Variants in FOCAD observed in about 807,000 individuals in gnomAD.
FOCAD encodes the protein focadhesin, also known as KIAA1797.
In FOCAD, 198 loss-of-function variants were observed where a neutral mutation model predicts 225.6. The ratio of observed to expected loss-of-function variants is 0.88; its 90% CI spans 0.78 to 0.99. The LOEUF is 0.99. Ranked by LOEUF, FOCAD falls within the 50% of genes least tolerant of loss-of-function variation. FOCAD has a pLI of 0.00. For synonymous variants in FOCAD, 897 were observed against 755.0 expected (o/e 1.19, Z -3.08); for missense variants, 2,713 against 2,123.6 (o/e 1.28, Z -5.46).
At chr9:20,822,222 A>G (rs535102254) in intron 14 of FOCAD, among the ~76,000 whole-genome samples, 3 of 152,148 alleles carry the variant, frequency 2.0e-5, no homozygotes, top group African/African-American at 7.2e-5. Flanking sequence ...TACTACCTCC[A>G]GATCTGTCAA....
At chr9:20,753,309 C>A (rs1217877956) in intron 5 of FOCAD, among the ~76,000 whole-genome samples, 8 of 151,772 alleles carry the variant, frequency 5.3e-5, no homozygotes, top group African/African-American at 1.9e-4. Context: ...TCATAGATAG[C>A]TCTTATTATT....
At chr9:20,761,021 G>GT (rs1291808555) in intron 6 of FOCAD, among the ~76,000 whole-genome samples, 1 of 136,216 alleles carries the variant, frequency 7.3e-6, no homozygotes, top group African/African-American at 2.9e-5. Context: ...TAGATTTTTT[G>GT]GGGGGGGGCG....
intron 2 of FOCAD, among the ~76,000 whole-genome samples, chr9:20,660,188 G>C (rs1821671118): frequency 6.6e-6 from 1 of 152,174 alleles, no homozygotes; most frequent in Non-Finnish European, 1.5e-5. Context: ...TGAGCCATCA[G>C]CAATAATAAC....
At chr9:20,969,159 T>TAA (rs1169762929) in intron 35 of FOCAD, among the ~76,000 whole-genome samples, 1 of 152,170 alleles carries the variant, frequency 6.6e-6, no homozygotes, top group Non-Finnish European at 1.5e-5. Flanking sequence ...TCTTTTAAAA[T>TAA]TTATTGAGAC....
chr9:20,932,903 G>A, intron 27 of FOCAD, 111 bp from the exon 28 acceptor site: 1 of 721,614 alleles, frequency 1.4e-6, no homozygotes, highest in South Asian at 2.0e-5. Context: ...TTTTTTTTAA[G>A]AGAAATGCTG....
intron 11 of FOCAD, among the ~76,000 whole-genome samples, chr9:20,807,863 G>A (rs1252256847): frequency 2.0e-5 from 3 of 152,018 alleles, no homozygotes; most frequent in Non-Finnish European, 2.9e-5. Flanking sequence ...CAGCCTGGCC[G>A]ACACAGTGAA....
intron 1 of FOCAD, among the ~76,000 whole-genome samples, chr9:20,704,127 C>T (rs1438590154): frequency 6.6e-6 from 1 of 152,200 alleles, no homozygotes; most frequent in Non-Finnish European, 1.5e-5. Flanking sequence ...CACAGTGCAC[C>T]ATTGATCTTA....
At chr9:20,994,276 C>T (rs1332024508) in intron 43 of FOCAD, among the ~76,000 whole-genome samples, 2 of 152,118 alleles carry the variant, frequency 1.3e-5, no homozygotes, top group Admixed American at 6.5e-5. Flanking sequence ...AAGATCTTTC[C>T]GTAAAACTTA....
chr9:20,686,338 G>A (rs1379248078), intron 1 of FOCAD, among the ~76,000 whole-genome samples: 3 of 152,072 alleles, frequency 2.0e-5, no homozygotes, highest in Non-Finnish European at 2.9e-5. Flanking sequence ...TGTATTTTTA[G>A]TAGAGACGGA....
chr9:20,715,504 A>C lies in FOCAD; in HGVS notation c.57+94A>C, dbSNP rs558218143. On this transcript the variant is annotated intron_variant, in intron 2 of 43. Transcript: ENST00000338382. ...TTATATATTTAATATTAAATATTTTATTCTACATGTAGAGATTTATATTTT... is the reference window on the plus strand; with the variant it reads ...TTATATATTTAATATTAAATATTTTCTTCTACATGTAGAGATTTATATTTT... 296 of 500,638 alleles carry C rather than the reference A, an allele frequency of 5.9e-4. 2 individuals carry two copies. Among genetic ancestry groups the C allele is most frequent in the African/African-American group, 5.4e-3 (273 of 50,140 alleles). The allele number at this position is 500,638 out of a possible 1,614,324, so 31.0% of individuals were successfully genotyped here. A position where few individuals can be genotyped will look rare whatever the true frequency, so the allele number is the denominator to read the frequency against.
chr9:20,974,814 CT>C (rs1401695139), intron 35 of FOCAD, among the ~76,000 whole-genome samples: 1 of 152,106 alleles, frequency 6.6e-6, no homozygotes, highest in Non-Finnish European at 1.5e-5. Flanking sequence ...TCCTGTGCTT[CT>C]CATTTCTGCT....
chr9:20,755,369 A>C (rs575877524), intron 5 of FOCAD, among the ~76,000 whole-genome samples: 1 of 152,236 alleles, frequency 6.6e-6, no homozygotes, highest in Non-Finnish European at 1.5e-5. Flanking sequence ...GCATCATGCA[A>C]CAAAGCTGGA....
At chr9:20,761,737 A>ACT (rs1018276783) in intron 6 of FOCAD, among the ~76,000 whole-genome samples, 59 of 150,332 alleles carry the variant, frequency 3.9e-4, no homozygotes, top group African/African-American at 1.4e-3. Context: ...CCATTTTTTT[A>ACT]CTCTCTCTCT....
Position 20,770,020 on chromosome 9 carries a change from T to C in FOCAD, c.700-12T>C. On this transcript the variant is annotated splice_polypyrimidine_tract_variant and intron_variant, in intron 7 of 43. Transcript: ENST00000338382. ...GTATTTTTTAATATCATATAATGACTTTTTTAAACAGGTAAAAGATTTGAT... is the reference window on the plus strand; with the variant it reads ...GTATTTTTTAATATCATATAATGACCTTTTTAAACAGGTAAAAGATTTGAT... 1 of 1,609,222 alleles carries C rather than the reference T, an allele frequency of 6.2e-7. No homozygotes were observed. The highest frequency in any genetic ancestry group is 8.5e-7 in the Non-Finnish European group (1 of 1,176,488).
intron 15 of FOCAD, among the ~76,000 whole-genome samples, chr9:20,841,684 G>A (rs561176453): frequency 4.0e-5 from 6 of 151,346 alleles, no homozygotes; most frequent in African/African-American, 1.4e-4. Context: ...TGTCAGTTTT[G>A]TTTATCTTTT....
intron 11 of FOCAD, among the ~76,000 whole-genome samples, chr9:20,805,672 A>T (rs1822355590): frequency 6.6e-6 from 1 of 152,186 alleles, no homozygotes; most frequent in Admixed American, 6.5e-5. Flanking sequence ...AAGCATATAA[A>T]TTCTGTTAGA....
chr9:20,786,132 C>T (rs923919849), intron 10 of FOCAD, among the ~76,000 whole-genome samples: 1 of 152,120 alleles, frequency 6.6e-6, no homozygotes, highest in Non-Finnish European at 1.5e-5. Context: ...GGCCTGAATC[C>T]TGTTACCTGC....
At chr9:20,904,403 A>T (rs1277058199) in intron 21 of FOCAD, among the ~76,000 whole-genome samples, 1 of 151,484 alleles carries the variant, frequency 6.6e-6, no homozygotes, top group Non-Finnish European at 1.5e-5. Context: ...TTACATCCTC[A>T]CCTCCTCCAA....
chr9:20,801,104 G>A lies in FOCAD; in HGVS notation c.1455+11496G>A, dbSNP rs188860608. Among the ~76,000 whole-genome samples, 17 of 152,216 alleles carry A rather than the reference G, an allele frequency of 1.1e-4. 1 individual carries two copies. In the East Asian group the frequency reaches 2.9e-3, roughly 26 times the overall value. On this transcript the variant is annotated intron_variant, in intron 11 of 43. Coordinates refer to ENST00000338382, the MANE Select transcript of FOCAD (RefSeq NM_001375567.1). ...AACTTCAGGTGCGTTGGAGTTTGCC[G>A]GAGGTCCACTCCAGACCCTGTTTGC...
Sources: allele counts gnomAD v4.1 joint callset (sites outside exome capture counted in the v4.1 genomes callset), GRCh38; gene constraint gnomAD v4.1.1; transcripts MANE v1.5; gene names NCBI Gene and HGNC (gene_info 2026-07-23, HGNC 2026-07-21).